Variants in PREP observed in about 807,000 individuals in gnomAD.
PREP encodes the protein dJ355L5.1 (prolyl endopeptidase).
Under a neutral mutation model 87.6 loss-of-function variants are expected in PREP, and 29 were observed. The ratio of observed to expected loss-of-function variants is 0.33; its 90% CI spans 0.25 to 0.45. The LOEUF (loss-of-function observed/expected upper bound fraction) is 0.45, where lower values mean the gene tolerates loss of function less well. PREP is among the 20% of genes least tolerant of loss of function. The pLI, the probability that PREP is intolerant of heterozygous loss-of-function variation, is 1.00. For missense variants in PREP, 695 were observed against 886.5 expected (o/e 0.78, Z 2.74); for synonymous variants, 337 against 328.6 (o/e 1.03, Z -0.28).
At chr6:105,302,531 G>A (rs975971904) in intron 10 of PREP, 6 of 395,270 alleles carry the variant, frequency 1.5e-5, no homozygotes, top group South Asian at 2.2e-5. Flanking sequence ...GGTTCTCCTC[G>A]TGCTTGCTGG....
chr6:105,369,271 TCTA>T lies in PREP; in HGVS notation c.596-250_596-248del, dbSNP rs1772474900. ...TAAATCTAACAAAATATGTGTAAGA[TCTA>T]TCTAAGGAAAACTGCAAAATTCTGA... On this transcript the variant is annotated intron_variant, in intron 5 of 14. Coordinates refer to ENST00000652536, the MANE Select transcript of PREP (RefSeq NM_002726.5). Among the ~76,000 whole-genome samples, 12 of 152,178 alleles carry T rather than the reference TCTA, an allele frequency of 7.9e-5. 1 individual carries two copies.
In PREP at chr6:105,278,022, T is replaced by C; in HGVS notation, c.*122A>G. ...TTCCCACGGCAGTTCTGTTCAACTG[T>C]AGCCTGTGAGTGCAGGAATAATGTT... is the stretch of plus-strand genomic sequence containing the variant. On this transcript the variant is annotated 3_prime_UTR_variant, in exon 15 of 15. Coordinates refer to ENST00000652536, the MANE Select transcript of PREP (RefSeq NM_002726.5). The surrounding 1 kb of genome is among the most constrained non-coding windows in gnomAD (Gnocchi z 4.2). 5 of 1,294,658 alleles carry C rather than the reference T, an allele frequency of 3.9e-6. No homozygotes were observed. The South Asian group carries it at 7.0e-5, about 18-fold the overall frequency. The allele number at this position is 1,294,658 out of a possible 1,614,324, so 80.2% of individuals were successfully genotyped here. A position where few individuals can be genotyped will look rare whatever the true frequency, so the allele number is the denominator to read the frequency against.
intron 10 of PREP, among the ~76,000 whole-genome samples, chr6:105,293,216 G>A (rs1187050735): frequency 1.3e-5 from 2 of 152,110 alleles, no homozygotes; most frequent in Non-Finnish European, 2.9e-5. Context: ...ACCCTTTCTG[G>A]CTTTGACTTA....
intron 14 of PREP, among the ~76,000 whole-genome samples, chr6:105,280,105 G>A (rs1457806456): frequency 6.6e-6 from 1 of 152,170 alleles, no homozygotes; most frequent in Non-Finnish European, 1.5e-5. Context: ...GGAGAGGCTA[G>A]CCATAAAAAG....
chr6:105,282,667 G>A (rs988331521), intron 12 of PREP, 85 bp from the exon 13 acceptor site: 13 of 1,457,130 alleles, frequency 8.9e-6, no homozygotes, highest in South Asian at 2.6e-5. Flanking sequence ...GATAGAGCAC[G>A]GTTTCAAATA....
intron 7 of PREP, among the ~76,000 whole-genome samples, chr6:105,348,660 C>T (rs951801810): frequency 6.6e-6 from 1 of 152,084 alleles, no homozygotes; most frequent in African/African-American, 2.4e-5. Flanking sequence ...GGCAGATGGA[C>T]CATGAGGTCA....
chr6:105,365,163 C>T (rs1182727429), intron 6 of PREP, among the ~76,000 whole-genome samples: 1 of 152,188 alleles, frequency 6.6e-6, no homozygotes, highest in Non-Finnish European at 1.5e-5. Context: ...AAGAGAATTG[C>T]TTGAACTTGG....
At chr6:105,391,534 G>C (rs779328119) in intron 2 of PREP, among the ~76,000 whole-genome samples, 2 of 152,204 alleles carry the variant, frequency 1.3e-5, no homozygotes, top group Non-Finnish European at 2.9e-5. Flanking sequence ...ATTTCTGGAA[G>C]TCTCTGGATT....
At chr6:105,354,861 G>C (rs538791657) in intron 6 of PREP, among the ~76,000 whole-genome samples, 5 of 152,080 alleles carry the variant, frequency 3.3e-5, no homozygotes, top group Non-Finnish European at 7.4e-5. Flanking sequence ...CTGACTAATA[G>C]CTGTTATTCT....
intron 6 of PREP, among the ~76,000 whole-genome samples, chr6:105,361,620 A>G (rs1253533367): frequency 6.6e-6 from 1 of 152,218 alleles, no homozygotes; most frequent in Admixed American, 6.5e-5. Flanking sequence ...GGAAATGAAC[A>G]AAAGGAGTGA....
At chr6:105,402,237 C>T (rs1041883266) in intron 1 of PREP, among the ~76,000 whole-genome samples, 5 of 152,174 alleles carry the variant, frequency 3.3e-5, no homozygotes, top group African/African-American at 9.7e-5. Context: ...ACTATGGGGT[C>T]ACTGCTCCGC....
In PREP at chr6:105,376,085, G is replaced by A. The variant is rs1344137396; in HGVS notation, c.385+40C>T. The A allele has an allele frequency of 2.5e-6, 4 of 1,594,020 alleles. No individual in the cohort carries two copies. In the African/African-American group the frequency reaches 5.4e-5, roughly 21 times the overall value. On this transcript the variant is annotated intron_variant, in intron 4 of 14. Transcript: ENST00000652536. ...CACTAACTTCAGAGCTCCAAGTGAG[G>A]GTCTTAGGAGTTCCACGGGCCTCTC...
chr6:105,342,914 A>C (rs1026197339), intron 7 of PREP, among the ~76,000 whole-genome samples: 49 of 140,262 alleles, frequency 3.5e-4, no homozygotes, highest in South Asian at 9.2e-4. Flanking sequence ...ATGCTCATGG[A>C]TAGGAAGAAT....
intron 7 of PREP, among the ~76,000 whole-genome samples, chr6:105,351,372 A>G (rs1490363483): frequency 6.6e-6 from 1 of 152,052 alleles, no homozygotes; most frequent in East Asian, 1.9e-4. Flanking sequence ...ACTATCTAGA[A>G]TTTGGTTTTT....
chr6:105,337,627 T>C (rs1583064519), intron 7 of PREP, among the ~76,000 whole-genome samples: 1 of 152,324 alleles, frequency 6.6e-6, no homozygotes, highest in East Asian at 1.9e-4. Context: ...CCTTTTCCTC[T>C]TTCCCCAGCA....
intron 7 of PREP, among the ~76,000 whole-genome samples, chr6:105,339,731 CAAG>C: frequency 3.9e-5 from 6 of 152,138 alleles, no homozygotes; most frequent in Admixed American, 3.9e-4. Flanking sequence ...ACAAGAACTA[CAAG>C]ATGCATGCAC....
At chr6:105,398,599 C>G (rs978929404) in intron 1 of PREP, among the ~76,000 whole-genome samples, 3 of 152,110 alleles carry the variant, frequency 2.0e-5, no homozygotes, top group African/African-American at 4.8e-5. Context: ...ATTCAGGTTA[C>G]CATGATATTG....
chr6:105,305,844 CT>C (rs35115122), intron 10 of PREP, among the ~76,000 whole-genome samples: 2 of 145,724 alleles, frequency 1.4e-5, no homozygotes, highest in African/African-American at 2.7e-5. Context: ...ATATCCTTTT[CT>C]TTTTTTTTTG....
rs1357952546 is a variant in PREP at position 105,274,194 on chromosome 6, A to C, written c.*3950T>G. ...CTCTCACAGTCCTAGAGTCTGGGAC[A>C]TCTAAGATCAAGGCACTGGCAGATT... On this transcript the variant is annotated 3_prime_UTR_variant, in exon 15 of 15. Coordinates refer to ENST00000652536, the MANE Select transcript of PREP (RefSeq NM_002726.5). 2.0e-5 allele frequency among the ~76,000 whole-genome samples: 3 copies of C among 152,074 alleles called. No individual in the cohort carries two copies. The highest frequency in any genetic ancestry group is 7.2e-5 in the African/African-American group (3 of 41,406).
Sources: gnomAD v4.1 joint callset for allele counts (sites outside exome capture counted in the v4.1 genomes callset) on GRCh38, gnomAD v4.1.1 for gene constraint, Gnocchi (gnomAD v3.1) non-coding constraint, MANE v1.5 for transcripts, NCBI Gene and HGNC (gene_info 2026-07-23, HGNC 2026-07-21) for gene names.